Variants in MAGEC3 observed in about 807,000 individuals in gnomAD.
The protein encoded by MAGEC3 is melanoma-associated antigen C3.
MAGEC3 carries 34 observed loss-of-function variants against 35.3 expected under a neutral mutation model. The observed-to-expected ratio is 0.96, with a 90% confidence interval of 0.73 to 1.28. The LOEUF is 1.28. Among genes scored for constraint, MAGEC3 ranks in the 50% most tolerant of loss-of-function variants. The probability of loss-of-function intolerance (pLI) is 0.00; values close to 1 mark genes in which losing one functional copy is unlikely to be tolerated. For synonymous variants in MAGEC3, 202 were observed against 185.6 expected, an observed-to-expected ratio of 1.09 and a Z score of -0.72; for missense variants, 561 against 483.6, an observed-to-expected ratio of 1.16 and a Z score of -1.50.
At chrX:141,858,847 A>C (rs770089914) in intron 1 of MAGEC3, among the ~76,000 whole-genome samples, 1 of 111,300 alleles carries the variant, frequency 9.0e-6, no homozygotes, top group Non-Finnish European at 1.9e-5. Flanking sequence ...ATTCATAAAT[A>C]ATGAGTGTGG....
chrX:141,897,573 C>T, intron 7 of MAGEC3, 56 bp from the exon 8 acceptor site: 1 of 1,194,569 alleles, frequency 8.4e-7, no homozygotes, highest in Non-Finnish European at 1.1e-6. Flanking sequence ...ACCTGGAGTA[C>T]CGGGAGGTGC....
At chrX:141,863,885 C>T (rs1456807795) in intron 1 of MAGEC3, among the ~76,000 whole-genome samples, 1 of 111,117 alleles carries the variant, frequency 9.0e-6, no homozygotes. Context: ...AAATATATAG[C>T]ACTCGTTCGA....
At chrX:141,858,243 C>A (rs2017793650) in intron 1 of MAGEC3, among the ~76,000 whole-genome samples, 1 of 110,658 alleles carries the variant, frequency 9.0e-6, no homozygotes, top group South Asian at 3.8e-4. Context: ...TTAAATAATC[C>A]ACATTTACAA....
intron 2 of MAGEC3, among the ~76,000 whole-genome samples, chrX:141,871,723 G>A (rs1360320096): frequency 2.7e-5 from 3 of 111,850 alleles, no homozygotes; most frequent in Non-Finnish European, 3.8e-5. Flanking sequence ...GATGCTGTTT[G>A]ATTTGTGACA....
chrX:141,883,571 G>A (rs891479515), intron 4 of MAGEC3, among the ~76,000 whole-genome samples: 9 of 112,065 alleles, frequency 8.0e-5, no homozygotes, highest in Non-Finnish European at 1.7e-4. Flanking sequence ...TAGGGTAAGA[G>A]ATAGAGTTTT....
intron 2 of MAGEC3, among the ~76,000 whole-genome samples, chrX:141,873,263 C>T (rs1377172299): frequency 1.8e-5 from 2 of 110,979 alleles, no homozygotes; most frequent in Non-Finnish European, 3.8e-5. Flanking sequence ...CATACCTCTT[C>T]CTGCAGCTGC....
chrX:141,890,677 G>A, intron 4 of MAGEC3, among the ~76,000 whole-genome samples: 1 of 112,006 alleles, frequency 8.9e-6, no homozygotes, highest in East Asian at 2.8e-4. Context: ...AGGTAATGTT[G>A]GCATTCCCAG....
intron 3 of MAGEC3, among the ~76,000 whole-genome samples, chrX:141,880,190 T>G (rs971071462): frequency 1.2e-4 from 13 of 111,444 alleles, no homozygotes; most frequent in Admixed American, 1.9e-4. Flanking sequence ...GAGTGAGGAC[T>G]GAGGAGTCAC....
In MAGEC3 at chrX:141,857,482, T is replaced by C. The variant is rs191676239; in HGVS notation, c.124-7989T>C. ...GAATATAAACCAAACTCCTTTCATG[T>C]CCTAGTAGTGTCTGCTTCTTCTAGT... On this transcript the variant is annotated intron_variant, in intron 1 of 7. Coordinates refer to ENST00000298296, the MANE Select transcript of MAGEC3 (RefSeq NM_138702.1). Among the ~76,000 whole-genome samples, 313 of 111,488 alleles carry C rather than the reference T, an allele frequency of 2.8e-3. 7 individuals are homozygous for C. The highest frequency in any genetic ancestry group is 0.025 in the Admixed American group (264 of 10,443).
chrX:141,848,441 A>G (rs1194618645), intron 1 of MAGEC3, among the ~76,000 whole-genome samples: 1 of 111,305 alleles, frequency 9.0e-6, no homozygotes, highest in Non-Finnish European at 1.9e-5. Flanking sequence ...TTCAGGATAC[A>G]AAATCAATGT....
intron 1 of MAGEC3, among the ~76,000 whole-genome samples, chrX:141,844,054 C>T: frequency 9.0e-6 from 1 of 110,612 alleles, no homozygotes; most frequent in East Asian, 2.9e-4. Context: ...TTATACGTAT[C>T]ATGTCATACT....
At chrX:141,883,920 T>C (rs760614112) in intron 4 of MAGEC3, among the ~76,000 whole-genome samples, 1 of 113,531 alleles carries the variant, frequency 8.8e-6, no homozygotes, top group East Asian at 2.8e-4. Flanking sequence ...TCTGTGTACC[T>C]GCCCCACAGG....
intron 1 of MAGEC3, among the ~76,000 whole-genome samples, chrX:141,859,635 C>A (rs2124095345): frequency 9.0e-6 from 1 of 111,284 alleles, no homozygotes; most frequent in East Asian, 2.9e-4. Flanking sequence ...CTGCACGTAA[C>A]ATTTCAAACA....
intron 2 of MAGEC3, among the ~76,000 whole-genome samples, chrX:141,875,569 T>A (rs1483448017): frequency 9.0e-6 from 1 of 111,428 alleles, no homozygotes; most frequent in Non-Finnish European, 1.9e-5. Flanking sequence ...TGGAAAATGG[T>A]TGTGTTCACT....
At chrX:141,893,642 CTGTGTGTGTGTG>C (rs770042816) in intron 4 of MAGEC3, among the ~76,000 whole-genome samples, 2 of 85,131 alleles carry the variant, frequency 2.3e-5, no homozygotes, top group Non-Finnish European at 4.4e-5. Context: ...ATAGGAGACA[CTGTGTGTGTGTG>C]TGTGTGTGTG....
chrX:141,894,678 G>A (rs959456925), intron 4 of MAGEC3: 15 of 970,392 alleles, frequency 1.5e-5, no homozygotes, highest in Middle Eastern at 3.0e-4. Context: ...AAGGAGCCCC[G>A]GGGCTGGCCA....
intron 1 of MAGEC3, among the ~76,000 whole-genome samples, chrX:141,864,129 A>T (rs1000488792): frequency 9.1e-6 from 1 of 110,054 alleles, no homozygotes; most frequent in South Asian, 3.9e-4. Flanking sequence ...TTACAGAAAG[A>T]CATTTCATAT....
chrX:141,893,717 G>C (rs937222854), intron 4 of MAGEC3, among the ~76,000 whole-genome samples: 3 of 102,343 alleles, frequency 2.9e-5, no homozygotes, highest in Non-Finnish European at 5.9e-5. Context: ...CAGGAATTGG[G>C]GGGGGGGGCG....
chrX:141,894,544 C>G (rs2018068668), intron 4 of MAGEC3: 1 of 644,869 alleles, frequency 1.6e-6, no homozygotes, highest in Admixed American at 4.5e-5. Flanking sequence ...GATGACAGAA[C>G]AACTGTTGCT....
Sources: gnomAD v4.1 joint callset for allele counts (sites outside exome capture counted in the v4.1 genomes callset) on GRCh38, gnomAD v4.1.1 for gene constraint, MANE v1.5 for transcripts, NCBI Gene and HGNC (gene_info 2026-07-23, HGNC 2026-07-21) for gene names.